EYS: variants seen among roughly 807,000 people sequenced by gnomAD.
EYS encodes the protein EGF-like photoreceptor maintenance factor.
Under a neutral mutation model 282.1 loss-of-function variants are expected in EYS, and 250 were observed. The ratio of observed to expected loss-of-function variants is 0.89; its 90% CI spans 0.80 to 0.98. EYS has a LOEUF of 0.98. Ranked by LOEUF, EYS falls within the 50% of genes least tolerant of loss-of-function variation. EYS has a pLI of 0.00. For synonymous variants in EYS, 1,355 were observed against 1,282.9 expected (o/e 1.06, Z -1.20); for missense variants, 4,016 against 3,709.0 (o/e 1.08, Z -2.15).
At chr6:64,351,841 T>C (rs1196836495) in intron 29 of EYS, among the ~76,000 whole-genome samples, 1 of 151,694 alleles carries the variant, frequency 6.6e-6, no homozygotes, top group Admixed American at 6.6e-5. Context: ...ATACAAATAA[T>C]ACCATGTATG....
chr6:64,532,588 A>G (rs1246111560), intron 26 of EYS, among the ~76,000 whole-genome samples: 1 of 152,126 alleles, frequency 6.6e-6, no homozygotes, highest in Non-Finnish European at 1.5e-5. Flanking sequence ...AGGCGCCCGT[A>G]GTCCCAGCTA....
chr6:65,469,771 C>CA lies in EYS; in HGVS notation c.862+20822dup, dbSNP rs373559781. Reference sequence around the variant, plus strand: ...ACTTCAACATATCTCTCACTATCCTCAAAAAACTTTCTTCCTCAGCTATAC... The same window carrying CA: ...ACTTCAACATATCTCTCACTATCCTCAAAAAAACTTTCTTCCTCAGCTATAC... On this transcript the variant is annotated intron_variant, in intron 5 of 42. Transcript: ENST00000503581. Among the ~76,000 whole-genome samples the CA allele has an allele frequency of 5.4e-3, 828 of 152,140 alleles. 7 individuals are homozygous for CA. The highest frequency in any genetic ancestry group is 0.019 in the African/African-American group (781 of 41,522).
intron 5 of EYS, among the ~76,000 whole-genome samples, chr6:65,413,495 C>A (rs184020108): frequency 3.8e-4 from 58 of 152,158 alleles, no homozygotes; most frequent in African/African-American, 1.3e-3. Context: ...GCACATTGTG[C>A]AGCCTCAAAG....
At position 65,018,712 on chromosome 6, in the gene EYS, T is replaced by G. The variant is rs151100504; in HGVS notation, c.2138-21009A>C. Among the ~76,000 whole-genome samples, 27 of 151,014 alleles carry G rather than the reference T, an allele frequency of 1.8e-4. 1 individual carries two copies. In the East Asian group the frequency reaches 5.3e-3, roughly 29 times the overall value. On this transcript the variant is annotated intron_variant, in intron 13 of 42. Coordinates refer to ENST00000503581, the MANE Select transcript of EYS (RefSeq NM_001142800.2). ...TTTGGTTTGTTTGTTTGTTTAGAAGTTTTTTTTTAAAAGACCATGTTCTTC... is the reference window on the plus strand; with the variant it reads ...TTTGGTTTGTTTGTTTGTTTAGAAGGTTTTTTTTAAAAGACCATGTTCTTC...
At chr6:65,519,642 A>G (rs1181396414) in intron 2 of EYS, among the ~76,000 whole-genome samples, 1 of 141,006 alleles carries the variant, frequency 7.1e-6, no homozygotes, top group Admixed American at 7.3e-5. Context: ...TTGTTATAAT[A>G]TGCTTGGCCA....
chr6:64,632,507 G>C (rs1213234054), intron 22 of EYS, among the ~76,000 whole-genome samples: 1 of 57,882 alleles, frequency 1.7e-5, no homozygotes, highest in African/African-American at 5.4e-5. Context: ...CTATAGTTCT[G>C]AGGAATAACC....
Position 65,490,725 on chromosome 6 carries a change from A to T in EYS, c.749-18T>A, listed in dbSNP as rs749635153. 6.7e-7 allele frequency: 1 copy of T among 1,489,298 alleles called. No homozygotes were observed. The highest frequency in any genetic ancestry group is 1.7e-5 in the Admixed American group (1 of 59,522). 92.3% of individuals were successfully genotyped at this position (1,489,298 alleles called of 1,614,324 possible). ...ATTCTTTCCTATAACAATGAAAAAA[A>T]GTTTTTTTTACATTGGATATCAATA... On this transcript the variant is annotated intron_variant, in intron 4 of 42. Transcript: ENST00000503581.
At chr6:64,183,124 C>T (rs985811392) in intron 31 of EYS, among the ~76,000 whole-genome samples, 9 of 152,142 alleles carry the variant, frequency 5.9e-5, no homozygotes, top group African/African-American at 1.7e-4. Context: ...TCCCTCTTCT[C>T]TGGGCATTCA....
chr6:65,280,768 A>G (rs1484736619), intron 12 of EYS, among the ~76,000 whole-genome samples: 18 of 151,636 alleles, frequency 1.2e-4, no homozygotes, highest in Admixed American at 1.2e-3. Context: ...CTGTAATCCC[A>G]GCACTTTGGG....
Position 63,824,936 on chromosome 6 carries a change from C to T in EYS, c.7229-18564G>A, listed in dbSNP as rs957336215. On this transcript the variant is annotated intron_variant, in intron 36 of 42. Coordinates refer to ENST00000503581, the MANE Select transcript of EYS (RefSeq NM_001142800.2). ...AACTTGGGGGAGGGCGCCAATCCCG[C>T]TTGCAGAGTTCACAAGCAGGGGAAG... Among the ~76,000 whole-genome samples the T allele has an allele frequency of 1.1e-4, 17 of 152,186 alleles. 1 individual carries two copies. Among genetic ancestry groups the T allele is most frequent in the African/African-American group, 4.1e-4 (17 of 41,440 alleles).
intron 33 of EYS, among the ~76,000 whole-genome samples, chr6:64,023,862 C>G (rs913532584): frequency 1.3e-5 from 2 of 152,176 alleles, no homozygotes; most frequent in Non-Finnish European, 2.9e-5. Context: ...CAGTGGGCCC[C>G]GCACTCGTAG....
intron 23 of EYS, among the ~76,000 whole-genome samples, chr6:64,624,850 G>C (rs1362669909): frequency 1.3e-5 from 2 of 152,116 alleles, no homozygotes; most frequent in African/African-American, 4.8e-5. Context: ...AGTCTTCTGT[G>C]AGGTAGGTAA....
chr6:65,316,873 CT>C (rs1252215991), intron 11 of EYS, among the ~76,000 whole-genome samples: 12 of 152,180 alleles, frequency 7.9e-5, no homozygotes, highest in Admixed American at 7.2e-4. Context: ...TTTATCCAGT[CT>C]ATCACTGATG....
intron 2 of EYS, among the ~76,000 whole-genome samples, chr6:65,629,048 G>A (rs142784465): frequency 2.6e-4 from 39 of 152,288 alleles, no homozygotes; most frequent in African/African-American, 7.0e-4. Context: ...CAGATTCACA[G>A]TAAAGTCAAG....
rs921798676 is a variant in EYS at position 64,471,259 on chromosome 6, C to T, written c.5645-31907G>A. Among the ~76,000 whole-genome samples, 10 of 151,926 alleles carry T rather than the reference C, an allele frequency of 6.6e-5. No homozygotes were observed. The East Asian group carries it at 1.4e-3, about 21-fold the overall frequency. On this transcript the variant is annotated intron_variant, in intron 26 of 42. Transcript: ENST00000503581. The stretch of plus-strand genomic sequence containing the variant: ...TTTAGGTAGAGCAATTAGACAAGAA[C>T]GAAAAATAAAAGCCATCAAGATTAG...
chr6:63,762,561 GT>G lies in EYS; in HGVS notation c.7970del (p.Asp2657AlafsTer25), dbSNP rs1477098845. ...ETVSTCDPEH[D>X]PPHHCSRGAT... ...CTCCTCTGCTACAGTGGTGTGGAGG[GT>G]CATGTTCAGGATCACAGGTAGAAAC... On this transcript the variant is annotated frameshift_variant, in exon 41 of 43. Transcript: ENST00000503581. LOFTEE classifies it high-confidence loss of function. The G allele has an allele frequency of 5.2e-6, 8 of 1,550,434 alleles. No homozygotes were observed. The highest frequency in any genetic ancestry group is 7.0e-6 in the Non-Finnish European group (8 of 1,146,134).
intron 28 of EYS, among the ~76,000 whole-genome samples, chr6:64,430,878 A>G (rs1026365180): frequency 8.5e-5 from 13 of 152,194 alleles, no homozygotes; most frequent in African/African-American, 3.1e-4. Context: ...ATATACATGG[A>G]ACACTTCAAC....
intron 2 of EYS, among the ~76,000 whole-genome samples, chr6:65,527,972 T>C (rs940395033): frequency 1.3e-5 from 2 of 152,172 alleles, no homozygotes; most frequent in Non-Finnish European, 2.9e-5. Flanking sequence ...TTGTGCCATG[T>C]GAAATAGCCT....
At chr6:65,584,056 A>G (rs1764957503) in intron 2 of EYS, among the ~76,000 whole-genome samples, 1 of 152,082 alleles carries the variant, frequency 6.6e-6, no homozygotes, top group South Asian at 2.1e-4. Context: ...AATATATTTC[A>G]GCCAGCTATG....
Sources: gnomAD v4.1 joint callset for allele counts (sites outside exome capture counted in the v4.1 genomes callset) on GRCh38, gnomAD v4.1.1 for gene constraint, MANE v1.5 for transcripts, NCBI Gene and HGNC (gene_info 2026-07-23, HGNC 2026-07-21) for gene names.